The following EPHA7 variants were observed in gnomAD, a reference collection of about 807,000 sequenced individuals.
EPHA7 encodes EPH receptor A7.
A neutral mutation model predicts 112.6 loss-of-function variants in EPHA7; 25 were observed. That is an observed-to-expected ratio of 0.22 (90% CI 0.16 to 0.31). The LOEUF is 0.31. Ranked by LOEUF, EPHA7 falls within the 10% of genes least tolerant of loss-of-function variation. The pLI is 1.00. For synonymous variants in EPHA7, 437 were observed against 406.5 expected (o/e 1.07, Z -0.90); for missense variants, 962 against 1,212.6 (o/e 0.79, Z 3.07).
intron 3 of EPHA7, among the ~76,000 whole-genome samples, chr6:93,359,198 C>T (rs906068537): frequency 4.6e-5 from 7 of 152,044 alleles, no homozygotes; most frequent in South Asian, 2.1e-4. Context: ...AGATGGACAG[C>T]GAGCATTTCT....
chr6:93,405,799 GTGTGTGTGTGTGTGTATATATATATA>G (rs1356913050), intron 3 of EPHA7, among the ~76,000 whole-genome samples: 28 of 68,878 alleles, frequency 4.1e-4, no homozygotes, highest in East Asian at 2.1e-3. Flanking sequence ...GTGTGTGTGT[GTGTGTGTGTGTGTGTATATATATATA>G]TATATATATA....
chr6:93,398,422 A>C (rs989702470), intron 3 of EPHA7, among the ~76,000 whole-genome samples: 3 of 151,986 alleles, frequency 2.0e-5, no homozygotes, highest in Non-Finnish European at 4.4e-5. Context: ...AGCTCTATAA[A>C]AAAGGCCAGA....
intron 5 of EPHA7, among the ~76,000 whole-genome samples, chr6:93,308,368 G>A (rs1773364741): frequency 6.6e-6 from 1 of 151,948 alleles, no homozygotes; most frequent in Non-Finnish European, 1.5e-5. Context: ...ATTTTTTGCT[G>A]TTACAATTAG....
chr6:93,286,343 C>T (rs1237599886), intron 5 of EPHA7, among the ~76,000 whole-genome samples: 1 of 152,104 alleles, frequency 6.6e-6, no homozygotes, highest in South Asian at 2.1e-4. Context: ...ATGCTCAGCA[C>T]CTGAATTAGG....
At chr6:93,323,603 T>G (rs138314999) in intron 5 of EPHA7, among the ~76,000 whole-genome samples, 2 of 151,652 alleles carry the variant, frequency 1.3e-5, no homozygotes, top group African/African-American at 4.8e-5. Flanking sequence ...TTGACAATTT[T>G]ATTTACATTT....
chr6:93,417,846 G>C (rs1441841069), intron 1 of EPHA7, among the ~76,000 whole-genome samples: 1 of 152,078 alleles, frequency 6.6e-6, no homozygotes, highest in Non-Finnish European at 1.5e-5. Context: ...ATCTATACAG[G>C]TTGCAGATGT....
chr6:93,387,318 T>A (rs1247632119), intron 3 of EPHA7, among the ~76,000 whole-genome samples: 1 of 152,122 alleles, frequency 6.6e-6, no homozygotes, highest in Non-Finnish European at 1.5e-5. Flanking sequence ...CAATTCCCAA[T>A]AATTTCCTCA....
chr6:93,307,628 C>G (rs967135328), intron 5 of EPHA7, among the ~76,000 whole-genome samples: 3 of 152,088 alleles, frequency 2.0e-5, no homozygotes, highest in African/African-American at 7.2e-5. Flanking sequence ...CTGACTAATA[C>G]AGATTAAATC....
chr6:93,282,414 G>T (rs1463795554), intron 5 of EPHA7, among the ~76,000 whole-genome samples: 1 of 152,174 alleles, frequency 6.6e-6, no homozygotes. Context: ...GATTACAACC[G>T]AAGTTTTAAA....
chr6:93,292,347 T>C (rs1244371639), intron 5 of EPHA7, among the ~76,000 whole-genome samples: 2 of 152,224 alleles, frequency 1.3e-5, no homozygotes, highest in African/African-American at 4.8e-5. Context: ...CTTTCAATGC[T>C]ACCTAATATT....
intron 3 of EPHA7, among the ~76,000 whole-genome samples, chr6:93,375,181 C>A (rs1465686406): frequency 6.6e-6 from 1 of 152,066 alleles, no homozygotes; most frequent in African/African-American, 2.4e-5. Context: ...CATAAACTTA[C>A]TTTGTTTAGC....
chr6:93,293,072 T>C (rs1772465659), intron 5 of EPHA7, among the ~76,000 whole-genome samples: 1 of 152,002 alleles, frequency 6.6e-6, no homozygotes, highest in Non-Finnish European at 1.5e-5. Context: ...TTTTCTAATA[T>C]TAAGTTAAAG....
intron 3 of EPHA7, among the ~76,000 whole-genome samples, chr6:93,382,595 CT>C (rs1777392104): frequency 6.6e-6 from 1 of 152,150 alleles, no homozygotes; most frequent in Admixed American, 6.5e-5. Context: ...CATTTCTCTT[CT>C]TTCTTCATGA....
rs72914234 is a variant in EPHA7 at position 93,320,324 on chromosome 6, T to G, written c.1324+36393A>C. Reference sequence around the variant, plus strand: ...TTAACAAAAGCTTAGCAAAGCATTTTAATATATAAGTACATTTCGAATAAA... The same window carrying G: ...TTAACAAAAGCTTAGCAAAGCATTTGAATATATAAGTACATTTCGAATAAA... On this transcript the variant is annotated intron_variant, in intron 5 of 16. Transcript: ENST00000369303. Among the ~76,000 whole-genome samples the G allele has an allele frequency of 1.4e-3, 220 of 152,222 alleles. 2 individuals carry two copies. Among genetic ancestry groups the G allele is most frequent in the Non-Finnish European group, 1.0e-3 (68 of 67,974 alleles).
chr6:93,411,620 G>C (rs1168313965), intron 2 of EPHA7, among the ~76,000 whole-genome samples: 1 of 152,002 alleles, frequency 6.6e-6, no homozygotes, highest in Non-Finnish European at 1.5e-5. Context: ...AAAACATGAA[G>C]AAGAAAATGC....
rs920844418 is a variant in EPHA7 at position 93,279,867 on chromosome 6, T to C, written c.1325-7445A>G. Among the ~76,000 whole-genome samples, 4 of 152,168 alleles carry C rather than the reference T, an allele frequency of 2.6e-5. No homozygotes were observed. In the East Asian group the frequency reaches 7.7e-4, roughly 29 times the overall value. On this transcript the variant is annotated intron_variant, in intron 5 of 16. Coordinates refer to ENST00000369303, the MANE Select transcript of EPHA7 (RefSeq NM_004440.4). The stretch of plus-strand genomic sequence containing the variant: ...TCTGGTGCTAGCTACTTATCTGTCA[T>C]ATGCTGGCATTTTGAGTAGCACTGA...
intron 5 of EPHA7, among the ~76,000 whole-genome samples, chr6:93,292,239 A>C (rs1385090171): frequency 6.6e-6 from 1 of 152,112 alleles, no homozygotes; most frequent in Admixed American, 6.6e-5. Flanking sequence ...CCCCCAACTT[A>C]TTACTTTTAT....
rs76857248 is a variant in EPHA7 at position 93,326,956 on chromosome 6, T to G, written c.1324+29761A>C. Among the ~76,000 whole-genome samples, 753 of 151,724 alleles carry G rather than the reference T, an allele frequency of 5.0e-3. 12 individuals are homozygous for G. The highest frequency in any genetic ancestry group is 0.017 in the African/African-American group (726 of 41,488). ...CCATTCTTTCAACTGGTATCCATCT[T>G]ACATGATTGTGAGTTACCTCATATT... On this transcript the variant is annotated intron_variant, in intron 5 of 16. Transcript: ENST00000369303.
intron 3 of EPHA7, among the ~76,000 whole-genome samples, chr6:93,399,944 T>C (rs1778359534): frequency 6.6e-6 from 1 of 152,066 alleles, no homozygotes; most frequent in East Asian, 1.9e-4. Context: ...ACACTCAAAC[T>C]TGAAGAATTT....
Sources: gnomAD v4.1 joint callset for allele counts (sites outside exome capture counted in the v4.1 genomes callset) on GRCh38, gnomAD v4.1.1 for gene constraint, MANE v1.5 for transcripts, NCBI Gene and HGNC (gene_info 2026-07-23, HGNC 2026-07-21) for gene names.